CTNNA2: variants seen among roughly 807,000 people sequenced by gnomAD.
CTNNA2 encodes catenin alpha-2.
Under a neutral mutation model 101.0 loss-of-function variants are expected in CTNNA2, and 42 were observed. That is an observed-to-expected ratio of 0.42 (90% CI 0.32 to 0.54). CTNNA2 has a LOEUF of 0.54. Among genes scored for constraint, CTNNA2 ranks in the 20% least tolerant of loss-of-function variants. The pLI is 0.14. For synonymous variants in CTNNA2, 450 were observed against 456.4 expected, an observed-to-expected ratio of 0.99 and a Z score of 0.18; for missense variants, 871 against 1,223.1, an observed-to-expected ratio of 0.71 and a Z score of 4.29.
intron 8 of CTNNA2, among the ~76,000 whole-genome samples, chr2:80,417,139 A>T (rs1273063653): frequency 1.3e-5 from 2 of 151,850 alleles, no homozygotes; most frequent in East Asian, 3.9e-4. Context: ...GTTTAATTTT[A>T]AATTTTTAAT....
intron 17 of CTNNA2, 105 bp downstream of exon 17, chr2:80,608,423 A>T: frequency 5.0e-6 from 6 of 1,201,478 alleles, no homozygotes; most frequent in Non-Finnish European, 4.6e-6. Flanking sequence ...ACAGTGATTT[A>T]TAGGGAGGGC....
intron 1 of CTNNA2, among the ~76,000 whole-genome samples, chr2:79,613,877 A>G (rs990096681): frequency 2.6e-5 from 4 of 152,102 alleles, no homozygotes; most frequent in Non-Finnish European, 1.5e-5. Flanking sequence ...CTCCACACCA[A>G]TCTCATGGTG....
chr2:79,274,458 C>A (rs759141748), intron 2 of CTNNA2, among the ~76,000 whole-genome samples: 6 of 152,068 alleles, frequency 3.9e-5, no homozygotes, highest in Middle Eastern at 3.4e-3. Context: ...CTTATTTATT[C>A]CACAGGAATT....
At chr2:79,612,039 A>G (rs1678311537) in intron 1 of CTNNA2, among the ~76,000 whole-genome samples, 1 of 152,156 alleles carries the variant, frequency 6.6e-6, no homozygotes, top group Non-Finnish European at 1.5e-5. Flanking sequence ...CCTACTGTGC[A>G]CTAAATGTTA....
At chr2:80,424,051 G>A (rs1249893578) in intron 9 of CTNNA2, among the ~76,000 whole-genome samples, 1 of 152,212 alleles carries the variant, frequency 6.6e-6, no homozygotes, top group East Asian at 1.9e-4. Context: ...CACCTCCCGG[G>A]TTCCAGCAAT....
chr2:80,384,590 C>A (rs1295608855), intron 7 of CTNNA2, among the ~76,000 whole-genome samples: 1 of 151,382 alleles, frequency 6.6e-6, no homozygotes, highest in Non-Finnish European at 1.5e-5. Flanking sequence ...CATTCGAGAT[C>A]TCCACTGTGG....
At chr2:79,860,546 G>GTTTTTTTTTTTTTTTTTTTTTTTTTTTTT (rs56929879) in intron 4 of CTNNA2, among the ~76,000 whole-genome samples, 4 of 107,196 alleles carry the variant, frequency 3.7e-5, no homozygotes, top group African/African-American at 1.1e-4. Flanking sequence ...AGTAAGGGAA[G>GTTTTTTTTTTTTTTTTTTTTTTTTTTTTT]TTTTTTTTTT....
At chr2:80,271,127 A>G (rs1673433574) in intron 7 of CTNNA2, among the ~76,000 whole-genome samples, 2 of 152,248 alleles carry the variant, frequency 1.3e-5, no homozygotes, top group South Asian at 2.1e-4. Context: ...GAAAGTTTCA[A>G]TGTGGTGCCA....
Position 79,357,789 on chromosome 2 carries a change from A to G in CTNNA2, c.-317-16042A>G, listed in dbSNP as rs981711359. Among the ~76,000 whole-genome samples, 6 of 152,328 alleles carry G rather than the reference A, an allele frequency of 3.9e-5. No individual in the cohort carries two copies. In the East Asian group the frequency reaches 1.2e-3, roughly 29 times the overall value. On this transcript the variant is annotated intron_variant, in intron 3 of 21. Coordinates refer to the CTNNA2 transcript ENST00000466387. ...CAGTAAGGCTGACAGTTAATTGCTG[A>G]ATAAAGAAAGCCAGAAAATAATCAA...
intron 1 of CTNNA2, among the ~76,000 whole-genome samples, chr2:79,595,488 TGTC>T (rs1335631852): frequency 1.3e-5 from 2 of 152,104 alleles, no homozygotes; most frequent in African/African-American, 4.8e-5. Flanking sequence ...TGCTCCCAAT[TGTC>T]GTATTGCTTC....
chr2:79,251,154 G>C (rs964323460), intron 2 of CTNNA2, among the ~76,000 whole-genome samples: 2 of 152,182 alleles, frequency 1.3e-5, no homozygotes, highest in African/African-American at 4.8e-5. Flanking sequence ...GGCCCCAGAT[G>C]CCCATTTTTG....
chr2:80,160,944 A>G (rs950899180), intron 7 of CTNNA2, among the ~76,000 whole-genome samples: 1 of 150,976 alleles, frequency 6.6e-6, no homozygotes, highest in African/African-American at 2.4e-5. Flanking sequence ...GTTCCCCTCT[A>G]TTCATATTCT....
intron 7 of CTNNA2, among the ~76,000 whole-genome samples, chr2:80,295,003 ACT>A (rs764165511): frequency 6.9e-6 from 1 of 145,000 alleles, no homozygotes; most frequent in Non-Finnish European, 1.5e-5. Context: ...AGATCTTGAA[ACT>A]CTCTCCTCTT....
intron 3 of CTNNA2, among the ~76,000 whole-genome samples, chr2:79,325,233 C>T (rs1676719375): frequency 6.6e-6 from 1 of 152,020 alleles, no homozygotes; most frequent in Admixed American, 6.6e-5. Context: ...TGATTTATCC[C>T]CAAAGCTTCC....
intron 4 of CTNNA2, among the ~76,000 whole-genome samples, chr2:79,461,142 A>G (rs1481213890): frequency 6.6e-6 from 1 of 152,188 alleles, no homozygotes; most frequent in Non-Finnish European, 1.5e-5. Context: ...GTTCCTGGCC[A>G]TGGCCCAGTA....
At chr2:79,324,217 C>T (rs946550185) in intron 3 of CTNNA2, among the ~76,000 whole-genome samples, 1 of 152,198 alleles carries the variant, frequency 6.6e-6, no homozygotes, top group African/African-American at 2.4e-5. Flanking sequence ...GAGAAGGCTG[C>T]CAGGCAGGGC....
intron 1 of CTNNA2, among the ~76,000 whole-genome samples, chr2:79,555,670 T>A (rs565279639): frequency 5.9e-5 from 9 of 152,148 alleles, no homozygotes; most frequent in African/African-American, 2.2e-4. Flanking sequence ...TTCTTATTCT[T>A]AGTTATGTGC....
At position 79,744,553 on chromosome 2, in the gene CTNNA2, T is replaced by C; in HGVS notation, c.269T>C (p.Val90Ala). The C allele has an allele frequency of 6.2e-7, 1 of 1,613,964 alleles. No homozygotes were observed. Among genetic ancestry groups the C allele is most frequent in the Non-Finnish European group, 8.5e-7 (1 of 1,179,892 alleles). ...KESQDLKEEL[V>A]AAVEDVRKQG... ...AGTCAAGATCTCAAAGAAGAGTTGG[T>C]GGCTGCTGTAGAGGATGTGCGCAAA... Residue 90 changes from valine to alanine, a missense_variant, in exon 3 of 19, where the codon GTG becomes GCG. Physicochemically the swap from Val to Ala is moderately conservative, Grantham distance 64 (BLOSUM62 0). Coordinates refer to ENST00000402739, the MANE Select transcript of CTNNA2 (RefSeq NM_001282597.3).
chr2:80,143,024 T>C (rs1703110426), intron 7 of CTNNA2, among the ~76,000 whole-genome samples: 1 of 152,182 alleles, frequency 6.6e-6, no homozygotes, highest in South Asian at 2.1e-4. Flanking sequence ...TGGACAACCT[T>C]GTATGGAGTA....
Sources: gnomAD v4.1 joint callset for allele counts (sites outside exome capture counted in the v4.1 genomes callset) on GRCh38, gnomAD v4.1.1 for gene constraint, MANE v1.5 for transcripts, NCBI Gene and HGNC (gene_info 2026-07-23, HGNC 2026-07-21) for gene names.